NUP210L: variants seen among roughly 807,000 people sequenced by gnomAD.
The protein encoded by NUP210L is nucleoporin 210 like, also known as nuclear pore membrane glycoprotein 210-like.
NUP210L carries 74 observed loss-of-function variants against 208.5 expected under a neutral mutation model. The observed-to-expected ratio is 0.35, with a 90% CI of 0.29 to 0.43. The LOEUF is 0.43. Ranked by LOEUF, NUP210L falls within the 20% of genes least tolerant of loss-of-function variation. NUP210L has a pLI of 1.00. For synonymous variants in NUP210L, 780 were observed against 816.9 expected (o/e 0.95, Z 0.77); for missense variants, 1,843 against 2,289.4 (o/e 0.81, Z 3.98).
At chr1:154,027,080 C>CAAAAAA (rs59626984) in intron 29 of NUP210L, among the ~76,000 whole-genome samples, 228 of 101,692 alleles carry the variant, frequency 2.2e-3, no homozygotes, top group African/African-American at 7.5e-3. Context: ...GAGACTGTCT[C>CAAAAAA]AAAAAAAAAA....
intron 17 of NUP210L, among the ~76,000 whole-genome samples, chr1:154,061,878 G>A (rs2147999153): frequency 6.6e-6 from 1 of 152,226 alleles, no homozygotes; most frequent in East Asian, 1.9e-4. Flanking sequence ...GTGTTGCCCA[G>A]GCTGAAGTGC....
intron 15 of NUP210L, among the ~76,000 whole-genome samples, chr1:154,093,816 T>G (rs2148052386): frequency 6.6e-6 from 1 of 152,254 alleles, no homozygotes; most frequent in Non-Finnish European, 1.5e-5. Context: ...ACAGCACAGC[T>G]GTGAATGAAA....
intron 11 of NUP210L, among the ~76,000 whole-genome samples, chr1:154,118,295 G>A (rs1317772129): frequency 6.6e-6 from 1 of 151,546 alleles, no homozygotes; most frequent in African/African-American, 2.4e-5. Context: ...GGCAACAAGA[G>A]CAAAACTCTG....
intron 22 of NUP210L, among the ~76,000 whole-genome samples, chr1:154,057,256 C>A (rs1041685649): frequency 6.6e-6 from 1 of 152,132 alleles, no homozygotes. Flanking sequence ...GGGATTGCAG[C>A]ATGAGTCACC....
intron 23 of NUP210L, among the ~76,000 whole-genome samples, chr1:154,055,876 T>G (rs987592818): frequency 6.6e-6 from 1 of 152,200 alleles, no homozygotes; most frequent in African/African-American, 2.4e-5. Context: ...ACAGTTAACT[T>G]TCTTTTTTTT....
rs1011028731 is a variant in NUP210L, at chr1:154,099,028, G to T, written c.1965+970C>A. On this transcript the variant is annotated intron_variant, in intron 14 of 39. Transcript: ENST00000368559. Reference sequence around the variant, plus strand: ...AATTGCCCCAAGCGTGTGCTCATCTGGCCAGATTGTGACAGCGCCCAGGAT... The same window carrying T: ...AATTGCCCCAAGCGTGTGCTCATCTTGCCAGATTGTGACAGCGCCCAGGAT... 3.3e-5 allele frequency among the ~76,000 whole-genome samples: 5 copies of T among 152,160 alleles called. No homozygotes were observed. The East Asian group carries it at 9.7e-4, about 29-fold the overall frequency.
intron 20 of NUP210L, among the ~76,000 whole-genome samples, chr1:154,059,672 A>G (rs551790861): frequency 4.6e-5 from 7 of 152,316 alleles, no homozygotes; most frequent in African/African-American, 1.4e-4. Flanking sequence ...CATTAGGCCA[A>G]CTAACACTGT....
intron 1 of NUP210L, 122 bp downstream of exon 1, chr1:154,154,720 A>G: frequency 1.3e-6 from 1 of 760,990 alleles, no homozygotes; most frequent in Non-Finnish European, 2.2e-6. Flanking sequence ...CTCCTCCCCT[A>G]CCGGCTAGGC....
chr1:154,099,411 C>CTGCTG (rs1341559607), intron 14 of NUP210L, among the ~76,000 whole-genome samples: 1 of 152,188 alleles, frequency 6.6e-6, no homozygotes. Context: ...CTGCATCTCC[C>CTGCTG]TGCTGCAGCT....
intron 21 of NUP210L, 73 bp from the exon 22 acceptor site, chr1:154,058,289 A>T: frequency 6.6e-7 from 1 of 1,504,664 alleles, no homozygotes; most frequent in Non-Finnish European, 9.1e-7. Flanking sequence ...CTTAGAGGGC[A>T]GTGTACTTTT....
exon 9 of NUP210L, chr1:154,127,361 T>C: frequency 6.2e-7 from 1 of 1,608,518 alleles, no homozygotes; most frequent in Non-Finnish European, 8.5e-7. Context: ...TCTACTGTAA[T>C]GACATATACC....
intron 27 of NUP210L, among the ~76,000 whole-genome samples, chr1:154,045,719 C>T (rs1343577638): frequency 2.0e-5 from 3 of 152,092 alleles, no homozygotes; most frequent in African/African-American, 4.8e-5. Flanking sequence ...TGGTGGCTCA[C>T]GCCTGTAATC....
intron 15 of NUP210L, among the ~76,000 whole-genome samples, chr1:154,093,104 T>C (rs889050841): frequency 6.6e-5 from 10 of 152,146 alleles, no homozygotes; most frequent in Non-Finnish European, 1.3e-4. Flanking sequence ...CATAATACTA[T>C]TGAACTGTAC....
At chr1:154,009,116 G>A (rs539023693) in intron 35 of NUP210L, among the ~76,000 whole-genome samples, 166 of 152,014 alleles carry the variant, frequency 1.1e-3, no homozygotes, top group Non-Finnish European at 2.1e-3. Context: ...CATCATGTTG[G>A]CCAGGCTGGT....
At chr1:154,029,023 C>T (rs1652065276) in intron 28 of NUP210L, among the ~76,000 whole-genome samples, 1 of 150,900 alleles carries the variant, frequency 6.6e-6, no homozygotes, top group South Asian at 2.1e-4. Context: ...CTGAACGCTG[C>T]AGTGAGTGGA....
At chr1:154,041,583 G>A (rs111430490) in intron 27 of NUP210L, among the ~76,000 whole-genome samples, 7 of 151,720 alleles carry the variant, frequency 4.6e-5, no homozygotes, top group African/African-American at 1.5e-4. Context: ...CACCTGCCTC[G>A]GCCTCCAGGT....
At chr1:154,153,628 T>TAG (rs1488201951) in intron 1 of NUP210L, among the ~76,000 whole-genome samples, 2 of 152,132 alleles carry the variant, frequency 1.3e-5, no homozygotes, top group African/African-American at 4.8e-5. Flanking sequence ...TTATTTTAAA[T>TAG]AGAGACGGGG....
rs75481055 is a variant in NUP210L, at chr1:154,057,407, C to T, written c.3108-460G>A. On this transcript the variant is annotated intron_variant, in intron 22 of 39. Coordinates refer to ENST00000368559, the Ensembl canonical transcript of NUP210L. ...AGAGTGAAGACAAATTTCAAGGGAA[C>T]GGTGGAAGGCTCCTGAGAGGCAAAA... 9.2e-4 allele frequency among the ~76,000 whole-genome samples: 140 copies of T among 152,060 alleles called. 1 individual carries two copies. The highest frequency in any genetic ancestry group is 2.4e-3 in the African/African-American group (99 of 41,476).
intron 10 of NUP210L, among the ~76,000 whole-genome samples, chr1:154,121,559 G>A (rs1214620945): frequency 6.6e-6 from 1 of 152,132 alleles, no homozygotes; most frequent in Non-Finnish European, 1.5e-5. Flanking sequence ...CCATCATAAA[G>A]TTCTTCCACC....
Sources: gnomAD v4.1 joint callset for allele counts (sites outside exome capture counted in the v4.1 genomes callset) on GRCh38, gnomAD v4.1.1 for gene constraint, MANE v1.5 for transcripts, NCBI Gene and HGNC (gene_info 2026-07-23, HGNC 2026-07-21) for gene names.